Variants in CACHD1 observed in about 807,000 individuals in gnomAD.
The protein encoded by CACHD1 is VWFA and cache domain-containing protein 1.
Under a neutral mutation model 138.7 loss-of-function variants are expected in CACHD1, and 71 were observed. The ratio of observed to expected loss-of-function variants is 0.51; its 90% confidence interval spans 0.42 to 0.62. The LOEUF (loss-of-function observed/expected upper bound fraction) is 0.62. Ranked by LOEUF, CACHD1 falls within the 20% of genes least tolerant of loss-of-function variation. CACHD1 has a pLI of 0.00. For missense variants in CACHD1, 1,389 were observed against 1,625.3 expected (o/e 0.85, Z 2.50); for synonymous variants, 578 against 591.5 (o/e 0.98, Z 0.33).
intron 1 of CACHD1, among the ~76,000 whole-genome samples, chr1:64,474,616 G>A (rs1646163482): frequency 6.6e-6 from 1 of 152,224 alleles, no homozygotes; most frequent in Non-Finnish European, 1.5e-5. Context: ...ATTTTACAAG[G>A]ACGTATTCCA....
At chr1:64,580,124 A>G (rs937320474) in intron 2 of CACHD1, among the ~76,000 whole-genome samples, 2 of 152,170 alleles carry the variant, frequency 1.3e-5, no homozygotes, top group East Asian at 3.9e-4. Context: ...TAATGAGTGA[A>G]TAGTCCTCTC....
Position 64,566,869 on chromosome 1 carries a change from A to G in CACHD1, c.262-15287A>G, listed in dbSNP as rs528345391. On this transcript the variant is annotated intron_variant, in intron 2 of 26. Coordinates refer to ENST00000651257, the MANE Select transcript of CACHD1 (RefSeq NM_020925.4). ...AATATTATTAGAGCTAATAGATAAT[A>G]TATTCACATATATGTTAGAGCTTTT... 1.3e-3 allele frequency among the ~76,000 whole-genome samples: 199 copies of G among 152,266 alleles called. 4 individuals carry two copies. Among genetic ancestry groups the G allele is most frequent in the Non-Finnish European group, 7.4e-5 (5 of 68,016 alleles).
intron 1 of CACHD1, among the ~76,000 whole-genome samples, chr1:64,481,693 G>A (rs569406448): frequency 6.6e-6 from 1 of 152,316 alleles, no homozygotes; most frequent in South Asian, 2.1e-4. Flanking sequence ...AATCACTTCA[G>A]CTGTGGCAGA....
chr1:64,635,053 A>G (rs1381027660), intron 7 of CACHD1, among the ~76,000 whole-genome samples: 2 of 150,480 alleles, frequency 1.3e-5, no homozygotes, highest in Non-Finnish European at 2.9e-5. Flanking sequence ...TGTCTTCGTC[A>G]TCATCTAATT....
chr1:64,605,117 C>T (rs1017817737), intron 4 of CACHD1, among the ~76,000 whole-genome samples: 2 of 151,228 alleles, frequency 1.3e-5, no homozygotes, highest in African/African-American at 4.9e-5. Context: ...CAGACACCCA[C>T]CACCGACCGG....
At chr1:64,495,850 G>A (rs944064774) in intron 1 of CACHD1, among the ~76,000 whole-genome samples, 1 of 151,588 alleles carries the variant, frequency 6.6e-6, no homozygotes, top group African/African-American at 2.4e-5. Flanking sequence ...TTTCTTCCCA[G>A]GCGTGTCTTT....
At chr1:64,520,032 T>C (rs1646486907) in intron 1 of CACHD1, among the ~76,000 whole-genome samples, 1 of 152,202 alleles carries the variant, frequency 6.6e-6, no homozygotes, top group Admixed American at 6.5e-5. Context: ...CTTGATAAAG[T>C]CCCAGCTGTC....
chr1:64,524,200 A>G (rs1388762672), intron 1 of CACHD1, among the ~76,000 whole-genome samples: 2 of 152,192 alleles, frequency 1.3e-5, no homozygotes, highest in South Asian at 2.1e-4. Flanking sequence ...TTTTGTTTTT[A>G]TGTGCTTTCA....
chr1:64,581,977 G>C (rs1224620207), intron 2 of CACHD1, among the ~76,000 whole-genome samples, 179 bp from the exon 3 acceptor site: 2 of 152,078 alleles, frequency 1.3e-5, no homozygotes, highest in Non-Finnish European at 2.9e-5. Context: ...ATGACTTCTG[G>C]GCATTGTGCA....
At chr1:64,524,755 A>G (rs1267396828) in intron 1 of CACHD1, among the ~76,000 whole-genome samples, 1 of 152,222 alleles carries the variant, frequency 6.6e-6, no homozygotes, top group East Asian at 1.9e-4. Context: ...TTTAAGTTAC[A>G]AAAATAACTC....
intron 1 of CACHD1, among the ~76,000 whole-genome samples, chr1:64,480,130 C>A (rs1646199834): frequency 6.6e-6 from 1 of 152,198 alleles, no homozygotes; most frequent in South Asian, 2.1e-4. Flanking sequence ...ATCAGGCCTG[C>A]CATTTCTCCC....
At chr1:64,654,833 A>C in intron 12 of CACHD1, 30 bp downstream of exon 12, 1 of 1,503,782 alleles carries the variant, frequency 6.6e-7, no homozygotes, top group African/African-American at 1.4e-5. Context: ...GTTTGCTTGA[A>C]GAGCTACAGG....
intron 5 of CACHD1, among the ~76,000 whole-genome samples, chr1:64,630,041 T>G (rs1188375875): frequency 2.0e-5 from 3 of 152,170 alleles, no homozygotes; most frequent in Non-Finnish European, 4.4e-5. Context: ...GCAATAATGG[T>G]GAGATACTTT....
chr1:64,478,034 A>G (rs1340354402), intron 1 of CACHD1, among the ~76,000 whole-genome samples: 1 of 152,170 alleles, frequency 6.6e-6, no homozygotes, highest in Non-Finnish European at 1.5e-5. Flanking sequence ...ATGTTTTATA[A>G]TATGTATAAT....
At chr1:64,587,563 AGTGATTAGGTACTCTGTC>A in intron 3 of CACHD1, among the ~76,000 whole-genome samples, 1 of 152,212 alleles carries the variant, frequency 6.6e-6, no homozygotes, top group African/African-American at 2.4e-5. Flanking sequence ...GACGCTGCCT[AGTGATTAGGTACTCTGTC>A]AATGTTTGTT....
At chr1:64,684,069 G>A (rs1650275345) in intron 26 of CACHD1, among the ~76,000 whole-genome samples, 1 of 152,188 alleles carries the variant, frequency 6.6e-6, no homozygotes. Context: ...TAATGGAGCT[G>A]AAAAATTTCT....
At chr1:64,670,451 A>G (rs971240471) in intron 16 of CACHD1, among the ~76,000 whole-genome samples, 2 of 152,206 alleles carry the variant, frequency 1.3e-5, no homozygotes, top group African/African-American at 4.8e-5. Context: ...ATGCTAAATA[A>G]TAGGCTCTTA....
intron 20 of CACHD1, 69 bp from the exon 21 acceptor site, chr1:64,675,827 TC>T: frequency 1.9e-6 from 2 of 1,036,236 alleles, no homozygotes; most frequent in Non-Finnish European, 2.8e-6. Flanking sequence ...TTATTTTGCT[TC>T]CCCAGCACAT....
chr1:64,565,317 C>T (rs6660732), intron 2 of CACHD1, among the ~76,000 whole-genome samples: 129,821 of 151,788 alleles, frequency 0.86, 56,838 homozygotes, highest in East Asian at 1. Context: ...GCTAAATGTT[C>T]ATTGAATGAA....
Sources: allele counts gnomAD v4.1 joint callset (sites outside exome capture counted in the v4.1 genomes callset), GRCh38; gene constraint gnomAD v4.1.1; transcripts MANE v1.5; gene names NCBI Gene and HGNC (gene_info 2026-07-23, HGNC 2026-07-21).